CSMD1: variants seen among roughly 807,000 people sequenced by gnomAD.
CSMD1 encodes CUB and sushi domain-containing protein 1.
A neutral mutation model predicts 417.5 loss-of-function variants in CSMD1; 213 were observed. That is an observed-to-expected ratio of 0.51 (90% CI 0.46 to 0.57). The LOEUF (loss-of-function observed/expected upper bound fraction) is 0.57, where lower values mean the gene tolerates loss of function less well. CSMD1 is among the 20% of genes least tolerant of loss of function. The pLI, the probability that CSMD1 is intolerant of heterozygous loss-of-function variation, is 0.00. For synonymous variants in CSMD1, 2,862 were observed against 1,736.8 expected, an observed-to-expected ratio of 1.65 and a Z score of -16.11; for missense variants, 6,923 against 4,529.7, an observed-to-expected ratio of 1.53 and a Z score of -15.17.
At chr8:4,511,944 G>A (rs951505994) in intron 2 of CSMD1, among the ~76,000 whole-genome samples, 2 of 151,968 alleles carry the variant, frequency 1.3e-5, no homozygotes, top group Admixed American at 6.6e-5. Context: ...AACAAGATAG[G>A]CCCACATTAC....
At chr8:4,195,930 G>A (rs1038763992) in intron 3 of CSMD1, among the ~76,000 whole-genome samples, 4 of 152,134 alleles carry the variant, frequency 2.6e-5, no homozygotes, top group Admixed American at 2.0e-4. Flanking sequence ...AAAAATGCCA[G>A]GCCGGGCGCG....
At chr8:3,828,640 C>A (rs925372834) in intron 5 of CSMD1, among the ~76,000 whole-genome samples, 2 of 152,110 alleles carry the variant, frequency 1.3e-5, no homozygotes, top group Non-Finnish European at 2.9e-5. Context: ...CATCGTCACA[C>A]CTATTTTAAT....
At chr8:4,111,150 G>T (rs1422465890) in intron 3 of CSMD1, among the ~76,000 whole-genome samples, 1 of 152,118 alleles carries the variant, frequency 6.6e-6, no homozygotes, top group Admixed American at 6.5e-5. Context: ...ACACTCTAAT[G>T]ATTTCGGACA....
chr8:3,273,208 G>C (rs907300777), intron 26 of CSMD1, among the ~76,000 whole-genome samples: 9 of 150,666 alleles, frequency 6.0e-5, no homozygotes, highest in African/African-American at 2.2e-4. Flanking sequence ...TTTTGTCTTT[G>C]GTTCTGTTTA....
intron 1 of CSMD1, among the ~76,000 whole-genome samples, chr8:4,928,776 A>G (rs1379109589): frequency 6.6e-6 from 1 of 152,104 alleles, no homozygotes; most frequent in Non-Finnish European, 1.5e-5. Flanking sequence ...GAGGTAATTA[A>G]GTTAAAATGA....
chr8:4,080,199 T>C (rs573783184), intron 3 of CSMD1, among the ~76,000 whole-genome samples: 121 of 152,128 alleles, frequency 8.0e-4, no homozygotes, highest in Non-Finnish European at 1.4e-3. Flanking sequence ...TCATTCTAGC[T>C]CCCCAGTAGT....
rs569319850 is a variant in CSMD1 at position 4,629,790 on chromosome 8, C to T, written c.302+7552G>A. Among the ~76,000 whole-genome samples, 8 of 152,228 alleles carry T rather than the reference C, an allele frequency of 5.3e-5. No homozygotes were observed. In the South Asian group the frequency reaches 1.7e-3, roughly 32 times the overall value. On this transcript the variant is annotated intron_variant, in intron 2 of 69. Transcript: ENST00000635120. Reference sequence around the variant, plus strand: ...AGTGTCAACATTCAGATTTTCATGACCAAATCAAGAAGATATCTTTGTCTG... The same window carrying T: ...AGTGTCAACATTCAGATTTTCATGATCAAATCAAGAAGATATCTTTGTCTG...
In CSMD1 at chr8:4,930,870, C is replaced by T. The variant is rs570894588; in HGVS notation, c.85+63462G>A. On this transcript the variant is annotated intron_variant, in intron 1 of 69. Transcript: ENST00000635120. ...GATCTTAATTTCTTAATAAAGGGTT[C>T]CCAGAATTACTGTATGTCTAGTTTT... Among the ~76,000 whole-genome samples the T allele has an allele frequency of 1.5e-3, 227 of 152,258 alleles. No homozygotes were observed. The Middle Eastern group carries it at 0.027, about 18-fold the overall frequency.
chr8:3,185,132 T>C (rs1271130415), intron 36 of CSMD1, among the ~76,000 whole-genome samples: 1 of 152,224 alleles, frequency 6.6e-6, no homozygotes, highest in African/African-American at 2.4e-5. Context: ...GCAGGTGGCC[T>C]GGGAGGCCCC....
chr8:4,547,509 G>A (rs1029121856), intron 2 of CSMD1, among the ~76,000 whole-genome samples: 1 of 152,204 alleles, frequency 6.6e-6, no homozygotes, highest in South Asian at 2.1e-4. Context: ...TTTTCTACCA[G>A]GTCCCTATGC....
intron 12 of CSMD1, among the ~76,000 whole-genome samples, chr8:3,442,619 G>A (rs1815057883): frequency 6.6e-6 from 1 of 152,106 alleles, no homozygotes; most frequent in South Asian, 2.1e-4. Context: ...TATACAATCT[G>A]GGTTTGTGTA....
chr8:4,962,228 G>A (rs1195564805), intron 1 of CSMD1, among the ~76,000 whole-genome samples: 1 of 148,826 alleles, frequency 6.7e-6, no homozygotes, highest in Non-Finnish European at 1.5e-5. Context: ...AATATTTGTT[G>A]GAGACAGAGA....
chr8:3,142,638 G>A lies in CSMD1; in HGVS notation c.6068C>T (p.Ala2023Val), dbSNP rs1405122802. 5 of 1,613,960 alleles carry A rather than the reference G, an allele frequency of 3.1e-6. No homozygotes were observed. Among genetic ancestry groups the A allele is most frequent in the Non-Finnish European group, 4.2e-6 (5 of 1,179,832 alleles). Reference protein sequence around the residue: ...HIQFLNFSTEANHDFLEIQNG... With the variant: ...HIQFLNFSTEVNHDFLEIQNG... ...TTGAATTTCAAGGAAGTCATGATTA[G>A]CTTCGGTAGAAAAATTCAGAAACTG... Residue 2023 changes from alanine (A) to valine (V), a missense_variant, in exon 41 of 70, where the codon GCT becomes GTT. Physicochemically the swap from Ala to Val is moderately conservative, Grantham distance 64. Coordinates refer to ENST00000635120, the MANE Select transcript of CSMD1 (RefSeq NM_033225.6).
chr8:4,008,205 T>C (rs1201265308), intron 4 of CSMD1, among the ~76,000 whole-genome samples: 1 of 151,944 alleles, frequency 6.6e-6, no homozygotes, highest in Non-Finnish European at 1.5e-5. Context: ...GCTGGAAAAA[T>C]TAGTTCAAGT....
chr8:3,555,780 G>C (rs913825431), intron 10 of CSMD1, among the ~76,000 whole-genome samples: 1 of 152,138 alleles, frequency 6.6e-6, no homozygotes, highest in Non-Finnish European at 1.5e-5. Context: ...TAGTTAGATA[G>C]ATGTATGGTT....
intron 26 of CSMD1, among the ~76,000 whole-genome samples, chr8:3,242,729 A>C (rs1167183436): frequency 6.6e-6 from 1 of 151,704 alleles, no homozygotes; most frequent in African/African-American, 2.4e-5. Context: ...GCAAGCCCAG[A>C]GAAAAGAGAG....
At chr8:2,972,720 G>C (rs1349560434) in intron 57 of CSMD1, among the ~76,000 whole-genome samples, 1 of 152,192 alleles carries the variant, frequency 6.6e-6, no homozygotes, top group Non-Finnish European at 1.5e-5. Context: ...GATTGGAAAT[G>C]ACGTGTGAAG....
At chr8:3,385,000 T>C (rs1245788782) in intron 18 of CSMD1, among the ~76,000 whole-genome samples, 1 of 85,734 alleles carries the variant, frequency 1.2e-5, no homozygotes, top group African/African-American at 4.6e-5. Flanking sequence ...ACATATGCTA[T>C]TTATATATAA....
chr8:3,720,707 C>CCAGGCAT (rs1455148704), intron 6 of CSMD1, among the ~76,000 whole-genome samples: 1 of 151,640 alleles, frequency 6.6e-6, no homozygotes, highest in Non-Finnish European at 1.5e-5. Context: ...ATACCTAGTT[C>CCAGGCAT]CAGGCATGTA....
Sources: gnomAD v4.1 joint callset for allele counts (sites outside exome capture counted in the v4.1 genomes callset) on GRCh38, gnomAD v4.1.1 for gene constraint, MANE v1.5 for transcripts, NCBI Gene and HGNC (gene_info 2026-07-23, HGNC 2026-07-21) for gene names.